The following RAD50 variants were observed in gnomAD, a reference collection of about 807,000 sequenced individuals.
The protein encoded by RAD50 is DNA repair protein RAD50.
RAD50 carries 132 observed loss-of-function variants against 168.8 expected under a neutral mutation model. The observed-to-expected ratio is 0.78, with a 90% CI of 0.68 to 0.90. The LOEUF (loss-of-function observed/expected upper bound fraction) is 0.90, where lower values mean the gene tolerates loss of function less well. RAD50 is among the 40% of genes least tolerant of loss of function. The probability of loss-of-function intolerance (pLI) is 0.00; values close to 1 mark genes in which losing one functional copy is unlikely to be tolerated. For missense variants in RAD50, 1,347 were observed against 1,534.4 expected (o/e 0.88, Z 2.04); for synonymous variants, 525 against 497.4 (o/e 1.06, Z -0.74).
chr5:132,610,846 G>A (rs1751071579), intron 19 of RAD50, among the ~76,000 whole-genome samples: 1 of 152,132 alleles, frequency 6.6e-6, no homozygotes, highest in South Asian at 2.1e-4. Flanking sequence ...TAAGATTAAT[G>A]ATCTATGACC....
At chr5:132,608,556 G>A in intron 16 of RAD50, 59 bp from the exon 17 acceptor site, 1 of 1,390,570 alleles carries the variant, frequency 7.2e-7, no homozygotes, top group South Asian at 1.4e-5. Flanking sequence ...TGTGAAGTCT[G>A]ACCCCTAAAG....
intron 21 of RAD50, among the ~76,000 whole-genome samples, chr5:132,628,436 A>G (rs1282007933): frequency 6.6e-6 from 1 of 152,234 alleles, no homozygotes; most frequent in Non-Finnish European, 1.5e-5. Flanking sequence ...GATAAGGACT[A>G]AGAAGTGGCC....
intron 23 of RAD50, among the ~76,000 whole-genome samples, chr5:132,640,162 C>G (rs1306078054): frequency 1.3e-5 from 2 of 152,052 alleles, no homozygotes; most frequent in Admixed American, 6.6e-5. Context: ...ATACTTTGAC[C>G]TAGGATTTTC....
At chr5:132,621,173 G>GT (rs1751277728) in intron 21 of RAD50, among the ~76,000 whole-genome samples, 2 of 152,250 alleles carry the variant, frequency 1.3e-5, no homozygotes, top group Admixed American at 6.5e-5. Flanking sequence ...ACCATTATCA[G>GT]TATCACCTTG....
chr5:132,603,975 G>T lies in RAD50; in HGVS notation c.2453G>T (p.Gly818Val). The change falls in exon 15 of 25, where the codon GGA becomes GTA. Residue 818 changes from glycine (G) to valine (V), a missense_variant. Around this residue, in one of 3 missense-constraint regions of RAD50, gnomAD observed 635 missense variants for 739.2 expected, o/e 0.86. Transcript: ENST00000378823. ...KIAQQAAKLQ[G>V]IDLDRTVQQV... ...GCACAACAAGCAGCTAAGCTACAAG[G>T]AATAGACTTAGATCGAACTGTCCAA... 5 of 1,612,578 alleles carry T rather than the reference G, an allele frequency of 3.1e-6. No homozygotes were observed. The highest frequency in any genetic ancestry group is 4.2e-6 in the Non-Finnish European group (5 of 1,178,686).
intron 21 of RAD50, among the ~76,000 whole-genome samples, chr5:132,622,369 G>A (rs532146956): frequency 6.5e-4 from 99 of 152,156 alleles, no homozygotes; most frequent in African/African-American, 2.2e-3. Context: ...ATGTTGCCCC[G>A]GCTGGTCTTG....
In RAD50 at chr5:132,644,327, G is replaced by A. The variant is rs924930695; in HGVS notation, c.*1963G>A. 1 of 172,068 alleles carries A rather than the reference G, an allele frequency of 5.8e-6. No homozygotes were observed. Among genetic ancestry groups the A allele is most frequent in the Non-Finnish European group, 1.3e-5 (1 of 79,390 alleles). 10.7% of individuals were successfully genotyped at this position (172,068 alleles called of 1,614,324 possible). On this transcript the variant is annotated 3_prime_UTR_variant, in exon 25 of 25. Transcript: ENST00000378823. ...GCTTCTCATTGCTGCTTCTAGATCA[G>A]TCTCCAAATATCCCCCTTCCCCACA...
chr5:132,624,189 A>G (rs1751332433), intron 21 of RAD50, among the ~76,000 whole-genome samples: 1 of 152,158 alleles, frequency 6.6e-6, no homozygotes, highest in Non-Finnish European at 1.5e-5. Flanking sequence ...GGCTCATAGA[A>G]TTATATGCCT....
intron 21 of RAD50, among the ~76,000 whole-genome samples, chr5:132,630,298 TC>T (rs1158362380): frequency 6.6e-6 from 1 of 152,196 alleles, no homozygotes; most frequent in Non-Finnish European, 1.5e-5. Flanking sequence ...TGCCTTGGCC[TC>T]CCAAAGTGCT....
rs1213306927 is a variant in RAD50 at position 132,642,881 on chromosome 5, C to T, written c.*517C>T. ...TTTATAAATCCAGTGACCTCTCTCT[C>T]TGGGACTTGGTTTCCCCAACTAAAA... On this transcript the variant is annotated 3_prime_UTR_variant, in exon 25 of 25. Transcript: ENST00000378823. The T allele has an allele frequency of 2.5e-6, 1 of 399,778 alleles. No homozygotes were observed. The highest frequency in any genetic ancestry group is 5.1e-6 in the Non-Finnish European group (1 of 197,556). 24.8% of individuals were successfully genotyped at this position (399,778 alleles called of 1,614,324 possible).
At chr5:132,588,620 A>ATC in intron 7 of RAD50, 67 bp from the exon 8 acceptor site, 1 of 1,430,810 alleles carries the variant, frequency 7.0e-7, no homozygotes, top group Non-Finnish European at 9.7e-7. Context: ...TAACTCGTGA[A>ATC]TCTGCAGCTA....
intron 1 of RAD50, among the ~76,000 whole-genome samples, chr5:132,557,707 C>CCA (rs1395772379): frequency 3.4e-4 from 52 of 152,310 alleles, no homozygotes; most frequent in African/African-American, 1.2e-3. Context: ...GGAGCTGTCG[C>CCA]CGCTCACTCA....
At chr5:132,577,319 A>G (rs1266967731) in intron 3 of RAD50, among the ~76,000 whole-genome samples, 2 of 152,182 alleles carry the variant, frequency 1.3e-5, no homozygotes, top group Non-Finnish European at 2.9e-5. Flanking sequence ...CCATGTGATT[A>G]CATTTGCCCC....
intron 21 of RAD50, among the ~76,000 whole-genome samples, chr5:132,630,331 G>A (rs1432219220): frequency 1.3e-5 from 2 of 152,184 alleles, no homozygotes; most frequent in Admixed American, 1.3e-4. Flanking sequence ...CATGAGCCAC[G>A]CACCTGGCCA....
intron 13 of RAD50, among the ~76,000 whole-genome samples, 193 bp downstream of exon 13, chr5:132,596,003 CT>C (rs34713748): frequency 6.7e-6 from 1 of 148,638 alleles, no homozygotes; most frequent in Non-Finnish European, 1.5e-5. Flanking sequence ...TTTTCTTTTT[CT>C]TTTTTTTTTC....
rs76378910 is a variant in RAD50, at chr5:132,611,173, C to G, written c.3036+1777C>G. ...TGGGAGGCCAAGGCAGACGGATCAC[C>G]TGAGGTCAGGAGTTCAAGACTAGCC... is the stretch of plus-strand genomic sequence containing the variant. On this transcript the variant is annotated intron_variant, in intron 19 of 24. Transcript: ENST00000378823. 4.7e-4 allele frequency among the ~76,000 whole-genome samples: 70 copies of G among 149,208 alleles called. No homozygotes were observed. The East Asian group carries it at 9.4e-3, about 20-fold the overall frequency.
At chr5:132,639,103 T>A (rs1751658060) in intron 23 of RAD50, among the ~76,000 whole-genome samples, 1 of 151,666 alleles carries the variant, frequency 6.6e-6, no homozygotes, top group Non-Finnish European at 1.5e-5. Flanking sequence ...ACACCTGTAA[T>A]CGCAGCACTT....
chr5:132,605,967 C>T lies in RAD50; in HGVS notation c.2718+968C>T, dbSNP rs146235865. Among the ~76,000 whole-genome samples the T allele has an allele frequency of 3.4e-3, 520 of 152,270 alleles. 6 individuals carry two copies. Among genetic ancestry groups the T allele is most frequent in the African/African-American group, 0.012 (485 of 41,552 alleles). Reference sequence around the variant, plus strand: ...ATACAATGTACCAGAATCTCTGAGACACATTTAAAGCACTGTGTAGAGGGA... The same window carrying T: ...ATACAATGTACCAGAATCTCTGAGATACATTTAAAGCACTGTGTAGAGGGA... On this transcript the variant is annotated intron_variant, in intron 16 of 24. Coordinates refer to ENST00000378823, the MANE Select transcript of RAD50 (RefSeq NM_005732.4).
chr5:132,612,202 A>G (rs993746479), intron 19 of RAD50, among the ~76,000 whole-genome samples: 1 of 152,240 alleles, frequency 6.6e-6, no homozygotes, highest in African/African-American at 2.4e-5. Context: ...GATACATGCT[A>G]CCACATGAAT....
Sources: gnomAD v4.1 joint callset for allele counts (sites outside exome capture counted in the v4.1 genomes callset) on GRCh38, gnomAD v4.1.1 for gene constraint, gnomAD v4.1.1 regional missense constraint, MANE v1.5 for transcripts, NCBI Gene and HGNC (gene_info 2026-07-23, HGNC 2026-07-21) for gene names.